The following MYB variants were observed in gnomAD, a reference collection of about 807,000 sequenced individuals.
MYB encodes the protein transcriptional activator Myb.
A neutral mutation model predicts 92.9 loss-of-function variants in MYB; 28 were observed. The ratio of observed to expected loss-of-function variants is 0.30; its 90% CI spans 0.22 to 0.41. MYB has a LOEUF of 0.41. Ranked by LOEUF, MYB falls within the 10% of genes least tolerant of loss-of-function variation. The pLI, the probability that MYB is intolerant of heterozygous loss-of-function variation, is 1.00. For missense variants in MYB, 679 were observed against 929.3 expected, an observed-to-expected ratio of 0.73 and a Z score of 3.50; for synonymous variants, 295 against 329.1, an observed-to-expected ratio of 0.90 and a Z score of 1.12.
chr6:135,200,057 T>G (rs778575489), intron 11 of MYB, 28 bp from the exon 12 acceptor site: 4 of 1,522,800 alleles, frequency 2.6e-6, no homozygotes, highest in Admixed American at 1.7e-5. Context: ...TCTTTTGTAT[T>G]GAGCCACTGC....
chr6:135,211,726 C>T (rs1233821366), intron 15 of MYB, among the ~76,000 whole-genome samples: 3 of 152,162 alleles, frequency 2.0e-5, no homozygotes, highest in African/African-American at 7.2e-5. Flanking sequence ...GGGAAAGGTC[C>T]ATCCACATTT....
rs576953852 is a variant in MYB, at chr6:135,188,572, C to T, written c.213+667C>T. ...TTGCCCAGGCTGGAGTGCAGTGGCA[C>T]GATCTCAGCTCACTGCAACCTCCGC... On this transcript the variant is annotated intron_variant, in intron 3 of 15. Coordinates refer to ENST00000341911, the MANE Select transcript of MYB (RefSeq NM_001130173.2). Among the ~76,000 whole-genome samples, 6 of 150,300 alleles carry T rather than the reference C, an allele frequency of 4.0e-5. No individual in the cohort carries two copies. The South Asian group carries it at 6.3e-4, about 16-fold the overall frequency.
chr6:135,193,305 C>T (rs1409832043), intron 6 of MYB, among the ~76,000 whole-genome samples: 5 of 152,120 alleles, frequency 3.3e-5, no homozygotes, highest in Non-Finnish European at 7.3e-5. Flanking sequence ...GAATAGAGAG[C>T]TCATATGCAA....
In MYB at chr6:135,218,165, G is replaced by T. The variant is rs1163032110; in HGVS notation, c.*185G>T. On this transcript the variant is annotated 3_prime_UTR_variant, in exon 16 of 16. Transcript: ENST00000341911. ...TTCTTGGATTTCACCCAACTAAAAG[G>T]ATTTTTAAAAATAAATAACAGTCTT... 2 of 524,174 alleles carry T rather than the reference G, an allele frequency of 3.8e-6. No homozygotes were observed. The highest frequency in any genetic ancestry group is 6.7e-6 in the Non-Finnish European group (2 of 297,496). 32.5% of individuals were successfully genotyped at this position (524,174 alleles called of 1,614,324 possible). A position where few individuals can be genotyped will look rare whatever the true frequency, so the allele number is the denominator to read the frequency against.
At chr6:135,205,125 C>T (rs1016619661) in intron 15 of MYB, among the ~76,000 whole-genome samples, 2 of 151,934 alleles carry the variant, frequency 1.3e-5, no homozygotes, top group African/African-American at 4.8e-5. Flanking sequence ...TCCACCCAGA[C>T]ATAAGAGGAA....
At chr6:135,202,954 T>C (rs1424004000) in intron 14 of MYB, 2 of 678,916 alleles carry the variant, frequency 2.9e-6, no homozygotes. Context: ...GCAGATGTTT[T>C]TTGAGTGCCT....
At position 135,194,437 on chromosome 6, in the gene MYB, C is replaced by T; in HGVS notation, c.925C>T (p.Leu309=). 1 of 1,613,556 alleles carries T rather than the reference C, an allele frequency of 6.2e-7. No individual in the cohort carries two copies. The highest frequency in any genetic ancestry group is 8.5e-7 in the Non-Finnish European group (1 of 1,179,626). Residue 309 remains leucine (L), a synonymous_variant, in exon 8 of 16, where the codon CTA becomes TTA. Coordinates refer to ENST00000341911, the MANE Select transcript of MYB (RefSeq NM_001130173.2). ...ELLLMSTENE[L]KGQQVLPTQN... The stretch of plus-strand genomic sequence containing the variant: ...GCTCCTAATGTCAACCGAGAATGAG[C>T]TAAAAGGACAGCAGGTGCTACCAGT...
At position 135,181,383 on chromosome 6, in the gene MYB, G is replaced by C; in HGVS notation, c.-131G>C. ...GACCTCCTCCTCCTCTTTCTCCTGA[G>C]AAACTTCGCCCCAGCGGTGCGGAGC... On this transcript the variant is annotated 5_prime_UTR_variant, in exon 1 of 16. Coordinates refer to ENST00000341911, the MANE Select transcript of MYB (RefSeq NM_001130173.2). The surrounding 1 kb of genome is among the most constrained non-coding windows in gnomAD (Gnocchi z 5.3). The C allele has an allele frequency of 2.1e-6, 1 of 470,908 alleles. No homozygotes were observed. Among genetic ancestry groups the C allele is most frequent in the Non-Finnish European group, 2.9e-6 (1 of 342,336 alleles). 29.2% of individuals were successfully genotyped at this position (470,908 alleles called of 1,614,324 possible). A position where few individuals can be genotyped will look rare whatever the true frequency, so the allele number is the denominator to read the frequency against.
chr6:135,200,229 T>C, intron 12 of MYB, 30 bp downstream of exon 12: 1 of 1,614,060 alleles, frequency 6.2e-7, no homozygotes, highest in East Asian at 2.2e-5. Flanking sequence ...TTGGATTTCA[T>C]TGGTTTATTA....
Position 135,203,758 on chromosome 6 carries a change from G to A in MYB, c.2169+434G>A, listed in dbSNP as rs928544845. On this transcript the variant is annotated intron_variant, in intron 15 of 15. Transcript: ENST00000341911. ...ACTGTTCCAATTTTAAATGAAGTCT[G>A]AAATTAGTCAGACAGAAAATAATTG... is the stretch of plus-strand genomic sequence containing the variant. The A allele has an allele frequency of 6.7e-6, 9 of 1,339,314 alleles. No homozygotes were observed. In the African/African-American group the frequency reaches 1.2e-4, roughly 17 times the overall value. 83.0% of individuals were successfully genotyped at this position (1,339,314 alleles called of 1,614,324 possible). A position where few individuals can be genotyped will look rare whatever the true frequency, so the allele number is the denominator to read the frequency against.
At chr6:135,199,878 G>A (rs1409692957) in intron 11 of MYB, among the ~76,000 whole-genome samples, 7 of 152,148 alleles carry the variant, frequency 4.6e-5, no homozygotes, top group Admixed American at 3.3e-4. Flanking sequence ...TTTAGTCTTC[G>A]AGGTATAATA....
chr6:135,185,320 T>C (rs1583241552), intron 1 of MYB, among the ~76,000 whole-genome samples: 1 of 152,258 alleles, frequency 6.6e-6, no homozygotes, highest in African/African-American at 2.4e-5. Flanking sequence ...ATCTTTGCTT[T>C]GGTTTTAAAA....
At chr6:135,186,427 A>G (rs1014033423) in intron 2 of MYB, among the ~76,000 whole-genome samples, 1 of 152,220 alleles carries the variant, frequency 6.6e-6, no homozygotes, top group African/African-American at 2.4e-5. Context: ...TTGCTGGGAC[A>G]TATATACCTC....
In MYB at chr6:135,201,768, GC is replaced by G; in HGVS notation, c.2061+24del. 1 of 1,383,252 alleles carries G rather than the reference GC, an allele frequency of 7.2e-7. No individual in the cohort carries two copies. The allele number at this position is 1,383,252 out of a possible 1,614,324, so 85.7% of individuals were successfully genotyped here. On this transcript the variant is annotated intron_variant, in intron 14 of 15. Transcript: ENST00000341911. ...TGCACCGGTAAGTACGTGTGCACCAGCCCCCAAGTTGTTATGTGACACTGGT... is the reference window on the plus strand; with the variant it reads ...TGCACCGGTAAGTACGTGTGCACCAGCCCCAAGTTGTTATGTGACACTGGT...
In MYB at chr6:135,197,469, G is replaced by C. The variant is rs1583312719; in HGVS notation, c.1566+146G>C. 6.2e-6 allele frequency: 5 copies of C among 803,016 alleles called. No homozygotes were observed. In the East Asian group the frequency reaches 1.3e-4, roughly 20 times the overall value. The allele number at this position is 803,016 out of a possible 1,614,324, so 49.7% of individuals were successfully genotyped here. A position where few individuals can be genotyped will look rare whatever the true frequency, so the allele number is the denominator to read the frequency against. ...TGTCGTTGAATCTAGCTGTTGCTAA[G>C]TTATACTGCCTCCCAAAGTTTAGGC... On this transcript the variant is annotated intron_variant, in intron 10 of 15. Transcript: ENST00000341911.
intron 14 of MYB, chr6:135,202,560 G>T (rs1012566133): frequency 1.3e-5 from 2 of 157,844 alleles, no homozygotes; most frequent in African/African-American, 4.8e-5. Context: ...TAGAGACGGG[G>T]TTTCTCCATG....
At chr6:135,188,063 A>T (rs1776152456) in intron 3 of MYB, among the ~76,000 whole-genome samples, 158 bp downstream of exon 3, 2 of 152,186 alleles carry the variant, frequency 1.3e-5, no homozygotes, top group African/African-American at 4.8e-5. Flanking sequence ...ATTATAATGC[A>T]TATAATTAAA....
intron 15 of MYB, among the ~76,000 whole-genome samples, chr6:135,206,678 AGAGT>A (rs372675036): frequency 3.3e-4 from 51 of 152,348 alleles, no homozygotes; most frequent in African/African-American, 1.2e-3. Flanking sequence ...CCTAGGCAAT[AGAGT>A]GAGACTCTAT....
chr6:135,195,667 A>G, intron 8 of MYB, 81 bp from the exon 9 acceptor site: 3 of 1,489,104 alleles, frequency 2.0e-6, no homozygotes, highest in Non-Finnish European at 2.8e-6. Flanking sequence ...AGCATCTGAT[A>G]CCTTGTGCAA....
Sources: gnomAD v4.1 joint callset for allele counts (sites outside exome capture counted in the v4.1 genomes callset) on GRCh38, gnomAD v4.1.1 for gene constraint, Gnocchi (gnomAD v3.1) non-coding constraint, MANE v1.5 for transcripts, NCBI Gene and HGNC (gene_info 2026-07-23, HGNC 2026-07-21) for gene names.